RASA4: variants seen among roughly 807,000 people sequenced by gnomAD.
RASA4 encodes ras GTPase-activating protein 4.
In RASA4, 5 loss-of-function variants were observed where a neutral mutation model predicts 24.0. The observed-to-expected ratio is 0.21, with a 90% CI of 0.11 to 0.44. The LOEUF is 0.44. Among genes scored for constraint, RASA4 ranks in the 20% least tolerant of loss-of-function variants. RASA4 has a pLI of 0.99. For missense variants in RASA4, 38 were observed against 293.0 expected, an observed-to-expected ratio of 0.13 and a Z score of 6.35; for synonymous variants, 9 against 132.7, an observed-to-expected ratio of 0.07 and a Z score of 6.41.
chr7:102,594,338 A>T, intron 12 of RASA4, 96 bp from the exon 13 acceptor site: 1 of 3,624 alleles, frequency 2.8e-4, no homozygotes, highest in South Asian at 1.5e-3. Flanking sequence ...ACACGGACAC[A>T]GGGGACAATA....
chr7:102,614,170 C>A (rs1180384851), intron 1 of RASA4, among the ~76,000 whole-genome samples: 1 of 142,514 alleles, frequency 7.0e-6, no homozygotes, highest in African/African-American at 2.6e-5. Flanking sequence ...TCAGTGAGGG[C>A]CTCCCATGAT....
chr7:102,599,415 A>G (rs1790352683), intron 8 of RASA4, among the ~76,000 whole-genome samples: 1 of 76,200 alleles, frequency 1.3e-5, no homozygotes, highest in Admixed American at 1.4e-4. Flanking sequence ...AGGCGGGTGG[A>G]TCACAAGGTC....
chr7:102,605,577 T>G, intron 5 of RASA4, among the ~76,000 whole-genome samples: 1 of 132,970 alleles, frequency 7.5e-6, no homozygotes, highest in Non-Finnish European at 1.7e-5. Flanking sequence ...GCCCGGCTAA[T>G]TGTTGTATTT....
At chr7:102,613,974 G>C (rs549696220) in intron 1 of RASA4, among the ~76,000 whole-genome samples, 1 of 151,170 alleles carries the variant, frequency 6.6e-6, no homozygotes, top group East Asian at 1.9e-4. Context: ...CCCATGAGTA[G>C]AAGTGGCAGG....
intron 16 of RASA4, among the ~76,000 whole-genome samples, chr7:102,590,951 A>AT (rs1302015093): frequency 1.3e-5 from 2 of 148,448 alleles, no homozygotes; most frequent in East Asian, 4.0e-4. Flanking sequence ...AAAAAAAAAA[A>AT]AAAAAATGGG....
At chr7:102,603,775 A>G (rs1356973176) in intron 5 of RASA4, among the ~76,000 whole-genome samples, 1 of 145,574 alleles carries the variant, frequency 6.9e-6, no homozygotes, top group African/African-American at 2.5e-5. Flanking sequence ...GGGGAGGCAG[A>G]GGTTGCAGTG....
intron 16 of RASA4, among the ~76,000 whole-genome samples, chr7:102,592,026 G>C (rs1382153071): frequency 6.6e-6 from 1 of 151,894 alleles, no homozygotes; most frequent in African/African-American, 2.4e-5. Context: ...GTAGAGACGG[G>C]GTTTCTCCAT....
intron 1 of RASA4, among the ~76,000 whole-genome samples, chr7:102,613,754 C>T (rs1399996929): frequency 1.3e-5 from 2 of 152,102 alleles, no homozygotes; most frequent in African/African-American, 4.8e-5. Context: ...GGAGGAGGAT[C>T]AGGGAAAACC....
chr7:102,590,802 T>G (rs1262055110), intron 16 of RASA4, among the ~76,000 whole-genome samples: 1 of 141,488 alleles, frequency 7.1e-6, no homozygotes, highest in Non-Finnish European at 1.5e-5. Flanking sequence ...TAGCCGGGCA[T>G]GGTGGCGCAT....
intron 4 of RASA4, among the ~76,000 whole-genome samples, chr7:102,608,044 C>CTGCAA (rs1790726539): frequency 7.1e-6 from 1 of 141,728 alleles, no homozygotes; most frequent in Non-Finnish European, 1.6e-5. Context: ...TCTCGGCTTA[C>CTGCAA]TGCAAGCTCT....
intron 16 of RASA4, 106 bp downstream of exon 16, chr7:102,592,175 GCTTT>G (rs1382007647): frequency 2.5e-6 from 1 of 402,810 alleles, no homozygotes; most frequent in African/African-American, 2.1e-5. Context: ...CACACACCTG[GCTTT>G]CTTCTCTGAC....
intron 8 of RASA4, among the ~76,000 whole-genome samples, 188 bp downstream of exon 8, chr7:102,599,672 G>T (rs982360136): frequency 6.9e-6 from 1 of 145,604 alleles, no homozygotes; most frequent in Admixed American, 6.8e-5. Context: ...ATAAATAAAG[G>T]GGAGGTGGAG....
chr7:102,603,274 C>CTTT (rs370234047), intron 5 of RASA4, among the ~76,000 whole-genome samples: 4 of 92,282 alleles, frequency 4.3e-5, no homozygotes, highest in Non-Finnish European at 7.0e-5. Flanking sequence ...TTATTCTTTT[C>CTTT]TTTTTTTTTT....
At chr7:102,596,298 T>C (rs1448134722) in intron 8 of RASA4, among the ~76,000 whole-genome samples, 169 bp from the exon 9 acceptor site, 3 of 146,792 alleles carry the variant, frequency 2.0e-5, no homozygotes, top group African/African-American at 7.4e-5. Flanking sequence ...GCCCGGGCTA[T>C]TTATTTTCTG....
At chr7:102,597,614 C>T (rs1325287751) in intron 8 of RASA4, among the ~76,000 whole-genome samples, 5 of 129,292 alleles carry the variant, frequency 3.9e-5, no homozygotes, top group Non-Finnish European at 7.0e-5. Flanking sequence ...TTAGTACAGA[C>T]GGGATTTCAC....
intron 16 of RASA4, among the ~76,000 whole-genome samples, chr7:102,591,290 A>T (rs1184309725): frequency 6.4e-5 from 3 of 46,952 alleles, no homozygotes; most frequent in Non-Finnish European, 1.2e-4. Flanking sequence ...ACCCTGTCTC[A>T]AAAAATAATT....
chr7:102,587,105 AC>A (rs1789794582), intron 18 of RASA4, among the ~76,000 whole-genome samples: 1 of 23,322 alleles, frequency 4.3e-5, no homozygotes, highest in African/African-American at 1.1e-4. Flanking sequence ...TCAAACAACA[AC>A]AACAACAACA....
At chr7:102,590,527 T>C (rs1187724983) in intron 16 of RASA4, among the ~76,000 whole-genome samples, 1 of 80,066 alleles carries the variant, frequency 1.2e-5, no homozygotes, top group Non-Finnish European at 2.3e-5. Flanking sequence ...GTGTGAGCTT[T>C]GGGGTAGTGT....
intron 8 of RASA4, among the ~76,000 whole-genome samples, chr7:102,598,245 G>A: frequency 1.2e-5 from 1 of 80,556 alleles, no homozygotes; most frequent in Non-Finnish European, 2.6e-5. Flanking sequence ...TACTCGGGAG[G>A]CTGAGGCATG....
Sources: allele counts gnomAD v4.1 joint callset (sites outside exome capture counted in the v4.1 genomes callset), GRCh38; gene constraint gnomAD v4.1.1; transcripts MANE v1.5; gene names NCBI Gene and HGNC (gene_info 2026-07-23, HGNC 2026-07-21).